Variants in FADS2 observed in about 807,000 individuals in gnomAD.
The protein encoded by FADS2 is acyl-CoA 6-desaturase.
FADS2 carries 18 observed loss-of-function variants against 61.2 expected under a neutral mutation model. That is an observed-to-expected ratio of 0.29 (90% CI 0.20 to 0.44). FADS2 has a LOEUF of 0.44. Ranked by LOEUF, FADS2 falls within the 20% of genes least tolerant of loss-of-function variation. FADS2 has a pLI of 1.00. For synonymous variants in FADS2, 203 were observed against 223.9 expected (o/e 0.91, Z 0.83); for missense variants, 322 against 572.7 (o/e 0.56, Z 4.47).
In FADS2 at chr11:61,865,046, A is replaced by C; in HGVS notation, c.1158-106A>C. 1 of 1,335,912 alleles carries C rather than the reference A, an allele frequency of 7.5e-7. No individual in the cohort carries two copies. The highest frequency in any genetic ancestry group is 1.4e-5 in the African/African-American group (1 of 69,246). The allele number at this position is 1,335,912 out of a possible 1,614,324, so 82.8% of individuals were successfully genotyped here. A position where few individuals can be genotyped will look rare whatever the true frequency, so the allele number is the denominator to read the frequency against. ...TTTGAGACTGGTCCTGGCTGTGGAC[A>C]GGGTCTCTGAGGGCCCCAGCCAGCC... On this transcript the variant is annotated intron_variant, in intron 10 of 11. Coordinates refer to ENST00000278840, the MANE Select transcript of FADS2 (RefSeq NM_004265.4). The surrounding 1 kb of genome is among the most constrained non-coding windows in gnomAD (Gnocchi z 4.1).
rs757278432 is a variant in FADS2 at position 61,857,089 on chromosome 11, C to T, written c.805+18C>T. On this transcript the variant is annotated intron_variant, in intron 6 of 11. Coordinates refer to ENST00000278840, the MANE Select transcript of FADS2 (RefSeq NM_004265.4). ...CTTCCTGAGTGAGTGCTCGGCGCCC[C>T]GAAATCACTCTGGGACCCTCCCCTC... The T allele has an allele frequency of 2.7e-5, 44 of 1,609,334 alleles. No individual in the cohort carries two copies. The highest frequency in any genetic ancestry group is 2.2e-4 in the East Asian group (10 of 44,864).
intron 1 of FADS2, among the ~76,000 whole-genome samples, chr11:61,835,894 G>A (rs2067170284): frequency 6.6e-6 from 1 of 151,906 alleles, no homozygotes; most frequent in Non-Finnish European, 1.5e-5. Context: ...CAACATTTCC[G>A]GAGAAAAAAG....
intron 5 of FADS2, among the ~76,000 whole-genome samples, chr11:61,853,269 C>T (rs1433733034): frequency 2.1e-5 from 2 of 95,504 alleles, no homozygotes; most frequent in African/African-American, 1.3e-4. Flanking sequence ...TTCTCTCCCT[C>T]CCTCCCTTCC....
chr11:61,866,144 C>T lies in FADS2; in HGVS notation c.*455C>T. ...GGGGCAGGTCCTAGTCGGGCAGGGC[C>T]CCTGACCCTCCCGGCCTGGCTTCAC... On this transcript the variant is annotated 3_prime_UTR_variant, in exon 12 of 12. Transcript: ENST00000278840. 1 of 399,260 alleles carries T rather than the reference C, an allele frequency of 2.5e-6. No homozygotes were observed. Among genetic ancestry groups the T allele is most frequent in the Non-Finnish European group, 4.4e-6 (1 of 226,974 alleles). 24.7% of individuals were successfully genotyped at this position (399,260 alleles called of 1,614,324 possible).
upstream of FADS2, among the ~76,000 whole-genome samples, chr11:61,824,394 AAGAGAGAGAG>A (rs1193068439): frequency 1.3e-3 from 22 of 17,386 alleles, no homozygotes; most frequent in African/African-American, 2.7e-3. Context: ...GGGAAAAAAA[AAGAGAGAGAG>A]AGAGAGAGAG....
In FADS2 at chr11:61,865,335, G is replaced by A; in HGVS notation, c.1283+58G>A. 1 of 1,591,912 alleles carries A rather than the reference G, an allele frequency of 6.3e-7. No individual in the cohort carries two copies. Among genetic ancestry groups the A allele is most frequent in the African/African-American group, 1.3e-5 (1 of 74,614 alleles). On this transcript the variant is annotated intron_variant, in intron 11 of 11. Transcript: ENST00000278840. The surrounding 1 kb of genome is among the most constrained non-coding windows in gnomAD (Gnocchi z 4.1). Reference sequence around the variant, plus strand: ...TGGGATCACCCGTGGTGCAGACAGTGGGATCACAAGAGGGGCTGGGCCCTC... The same window carrying A: ...TGGGATCACCCGTGGTGCAGACAGTAGGATCACAAGAGGGGCTGGGCCCTC...
chr11:61,820,755 C>T (rs1161883651), intron 1 of FADS2, among the ~76,000 whole-genome samples: 2 of 151,864 alleles, frequency 1.3e-5, no homozygotes, highest in Non-Finnish European at 2.9e-5. Flanking sequence ...AAAAATTAGC[C>T]GGGTGTGGTG....
intron 7 of FADS2, among the ~76,000 whole-genome samples, chr11:61,859,593 C>T (rs575501028): frequency 1.3e-5 from 2 of 152,302 alleles, no homozygotes; most frequent in Admixed American, 6.5e-5. Flanking sequence ...CATCATCCAC[C>T]CAGTGGCTCA....
At position 61,863,652 on chromosome 11, in the gene FADS2, G is replaced by A. The variant is rs1166469032; in HGVS notation, c.1078-55G>A. ...GTAAGGCTGGGCCCCCTGGGAATGA[G>A]GCCGGGCCCTTGGGCCTTCCTTTGT... On this transcript the variant is annotated intron_variant, in intron 9 of 11. Coordinates refer to ENST00000278840, the MANE Select transcript of FADS2 (RefSeq NM_004265.4). 2.7e-5 allele frequency: 41 copies of A among 1,492,126 alleles called. No homozygotes were observed. In the Admixed American group the frequency reaches 6.9e-4, roughly 25 times the overall value. The allele number at this position is 1,492,126 out of a possible 1,614,324, so 92.4% of individuals were successfully genotyped here. A position where few individuals can be genotyped will look rare whatever the true frequency, so the allele number is the denominator to read the frequency against.
At chr11:61,830,919 A>G (rs79976480) in intron 1 of FADS2, among the ~76,000 whole-genome samples, 3,721 of 152,364 alleles carry the variant, frequency 0.024, 99 homozygotes, top group Middle Eastern at 0.041. Flanking sequence ...AGGAATTTGA[A>G]GAAAAAATTT....
At chr11:61,818,917 C>T (rs1230955131) in intron 1 of FADS2, among the ~76,000 whole-genome samples, 1 of 151,648 alleles carries the variant, frequency 6.6e-6, no homozygotes, top group Non-Finnish European at 1.5e-5. Flanking sequence ...GTCGCCCAGG[C>T]TGGAGTGCAG....
intron 7 of FADS2, among the ~76,000 whole-genome samples, chr11:61,859,818 C>G (rs1233616074): frequency 6.6e-6 from 1 of 152,110 alleles, no homozygotes; most frequent in Non-Finnish European, 1.5e-5. Context: ...AACCCCGTCT[C>G]TACTAAAAAT....
chr11:61,839,312 T>A (rs954883375), intron 2 of FADS2, among the ~76,000 whole-genome samples: 2 of 151,542 alleles, frequency 1.3e-5, no homozygotes, highest in African/African-American at 4.9e-5. Context: ...TTTATTTTTC[T>A]TTTCTTTTCT....
At chr11:61,830,021 G>T (rs568357319) in intron 1 of FADS2, among the ~76,000 whole-genome samples, 1 of 152,304 alleles carries the variant, frequency 6.6e-6, no homozygotes, top group East Asian at 1.9e-4. Context: ...CATTGCTTAA[G>T]CCCAGTGGGT....
At position 61,863,330 on chromosome 11, in the gene FADS2, C is replaced by T. The variant is rs559420720; in HGVS notation, c.1029C>T (p.Ile343=). 4.3e-6 allele frequency: 7 copies of T among 1,614,092 alleles called. No homozygotes were observed. The highest frequency in any genetic ancestry group is 3.3e-4 in the Middle Eastern group (2 of 6,062). ...WFVWVTQMNH[I]VMEIDQEAYR... is the part of the protein sequence containing the mutation. ...TGTGGGTCACACAGATGAATCACAT[C>T]GTCATGGAGATTGACCAGGAGGCCT... Residue 343 remains isoleucine, a synonymous_variant, in exon 9 of 12, where the codon ATC becomes ATT. Coordinates refer to ENST00000278840, the MANE Select transcript of FADS2 (RefSeq NM_004265.4).
chr11:61,839,719 T>A (rs2067203211), intron 2 of FADS2, among the ~76,000 whole-genome samples: 1 of 152,238 alleles, frequency 6.6e-6, no homozygotes, highest in African/African-American at 2.4e-5. Context: ...AGTTCTCATC[T>A]TCCCCAAATT....
intron 1 of FADS2, among the ~76,000 whole-genome samples, chr11:61,818,189 G>A (rs1337727932): frequency 6.6e-6 from 1 of 152,206 alleles, no homozygotes; most frequent in African/African-American, 2.4e-5. Context: ...TAGATTTCTG[G>A]TAGAAAAGGA....
intron 5 of FADS2, among the ~76,000 whole-genome samples, chr11:61,851,183 A>AT (rs1198819492): frequency 6.6e-6 from 1 of 151,882 alleles, no homozygotes; most frequent in African/African-American, 2.4e-5. Context: ...CAAAGGCTTC[A>AT]TTTTCTCGGC....
chr11:61,865,894 CTCAGCCG>C lies in FADS2; in HGVS notation c.*212_*218del. The stretch of plus-strand genomic sequence containing the variant: ...CCTGCCCTCATGGGACCTGCCCTCC[CTCAGCCG>C]TCAGCCATCAGCCATGGCCCTCCCA... On this transcript the variant is annotated 3_prime_UTR_variant, in exon 12 of 12. Transcript: ENST00000278840. The surrounding 1 kb of genome is among the most constrained non-coding windows in gnomAD (Gnocchi z 4.1). 1 of 577,990 alleles carries C rather than the reference CTCAGCCG, an allele frequency of 1.7e-6. No individual in the cohort carries two copies. The highest frequency in any genetic ancestry group is 3.1e-6 in the Non-Finnish European group (1 of 323,752). The allele number at this position is 577,990 out of a possible 1,614,324, so 35.8% of individuals were successfully genotyped here.
Sources: gnomAD v4.1 joint callset for allele counts (sites outside exome capture counted in the v4.1 genomes callset) on GRCh38, gnomAD v4.1.1 for gene constraint, Gnocchi (gnomAD v3.1) non-coding constraint, MANE v1.5 for transcripts, NCBI Gene and HGNC (gene_info 2026-07-23, HGNC 2026-07-21) for gene names.